USP54: variants seen among roughly 807,000 people sequenced by gnomAD.
USP54 encodes ubiquitin carboxyl-terminal hydrolase 54.
A neutral mutation model predicts 170.5 loss-of-function variants in USP54; 87 were observed. The ratio of observed to expected loss-of-function variants is 0.51; its 90% CI spans 0.43 to 0.61. USP54 has a LOEUF of 0.61. USP54 is among the 20% of genes least tolerant of loss of function. The pLI is 0.00. For missense variants in USP54, 1,786 were observed against 2,047.8 expected (o/e 0.87, Z 2.47); for synonymous variants, 655 against 742.8 (o/e 0.88, Z 1.92).
upstream of USP54, among the ~76,000 whole-genome samples, chr10:73,592,139 G>C (rs1412074992): frequency 5.3e-5 from 8 of 152,036 alleles, no homozygotes; most frequent in East Asian, 1.4e-3. Flanking sequence ...CCGAGAACTT[G>C]CATTTGCAGG....
intron 4 of USP54, among the ~76,000 whole-genome samples, chr10:73,548,111 C>G (rs1215895132): frequency 6.6e-6 from 1 of 152,056 alleles, no homozygotes; most frequent in African/African-American, 2.4e-5. Context: ...ATTTATGCAG[C>G]CAACAGACAC....
intron 9 of USP54, among the ~76,000 whole-genome samples, 164 bp downstream of exon 9, chr10:73,541,210 GC>G (rs2066530532): frequency 6.6e-6 from 1 of 152,158 alleles, no homozygotes; most frequent in South Asian, 2.1e-4. Flanking sequence ...AGGTATATGA[GC>G]ACATACCTGC....
At chr10:73,567,159 G>A (rs191245149) in intron 4 of USP54, among the ~76,000 whole-genome samples, 27 of 152,056 alleles carry the variant, frequency 1.8e-4, no homozygotes, top group Admixed American at 1.3e-3. Context: ...GATTACAGGC[G>A]TGAGCCACCA....
Position 73,523,713 on chromosome 10 carries a change from C to CA in USP54, c.2231dup (p.Leu744PhefsTer29). On this transcript the variant is annotated frameshift_variant, in exon 17 of 24. Coordinates refer to ENST00000687698, the MANE Select transcript of USP54 (RefSeq NM_001391956.1). LOFTEE classifies it high-confidence loss of function. Reference sequence around the variant, plus strand: ...GCGCCCTCCTGGCCACCTCTTCCTGCAATTCATCCAGTTCACTTTTAGAAG... The same window carrying CA: ...GCGCCCTCCTGGCCACCTCTTCCTGCAAATTCATCCAGTTCACTTTTAGAAG... 6.2e-7 allele frequency: 1 copy of CA among 1,613,720 alleles called. No individual in the cohort carries two copies. The highest frequency in any genetic ancestry group is 8.5e-7 in the Non-Finnish European group (1 of 1,179,796).
At chr10:73,569,920 A>C (rs1192444217) in intron 4 of USP54, among the ~76,000 whole-genome samples, 1 of 132,030 alleles carries the variant, frequency 7.6e-6, no homozygotes, top group African/African-American at 2.6e-5. Flanking sequence ...AAAAAAAAAA[A>C]AAAAAAAAAA....
At chr10:73,546,225 C>G (rs2067776979) in intron 4 of USP54, among the ~76,000 whole-genome samples, 1 of 152,210 alleles carries the variant, frequency 6.6e-6, no homozygotes, top group South Asian at 2.1e-4. Flanking sequence ...CTGCCCCACT[C>G]TCTACCAGCC....
intron 1 of USP54, among the ~76,000 whole-genome samples, chr10:73,601,407 C>T (rs1051465449): frequency 2.6e-5 from 4 of 152,156 alleles, no homozygotes; most frequent in Non-Finnish European, 5.9e-5. Context: ...CCACCATACA[C>T]TTTACTGCAA....
intron 4 of USP54, among the ~76,000 whole-genome samples, chr10:73,567,018 A>C (rs1057458266): frequency 4.6e-5 from 7 of 151,810 alleles, no homozygotes; most frequent in Admixed American, 3.9e-4. Context: ...CTGGGATTAC[A>C]AGCATGCGCC....
At chr10:73,543,583 G>A (rs2067089371) in intron 5 of USP54, among the ~76,000 whole-genome samples, 1 of 152,116 alleles carries the variant, frequency 6.6e-6, no homozygotes, top group Non-Finnish European at 1.5e-5. Flanking sequence ...AGCCAGGATG[G>A]TCTCGATCTC....
intron 1 of USP54, among the ~76,000 whole-genome samples, chr10:73,621,949 T>C (rs2081129606): frequency 6.6e-6 from 1 of 152,148 alleles, no homozygotes; most frequent in African/African-American, 2.4e-5. Flanking sequence ...CCCCTATCCA[T>C]TTATACCTTC....
chr10:73,504,654 T>C (rs1012180754), intron 22 of USP54, 196 bp downstream of exon 22: 1 of 718,174 alleles, frequency 1.4e-6, no homozygotes, highest in Non-Finnish European at 2.2e-6. Context: ...AACTGCTACA[T>C]GGAATGGACA....
chr10:73,523,171 T>C (rs909631156), intron 17 of USP54, among the ~76,000 whole-genome samples: 3 of 152,214 alleles, frequency 2.0e-5, no homozygotes, highest in African/African-American at 7.2e-5. Context: ...CTTGCTCCTG[T>C]TTGGCAGATC....
At position 73,530,711 on chromosome 10, in the gene USP54, G is replaced by T; in HGVS notation, c.1440C>A (p.His480Gln). The T allele has an allele frequency of 1.9e-6, 3 of 1,614,166 alleles. No individual in the cohort carries two copies. The highest frequency in any genetic ancestry group is 2.5e-6 in the Non-Finnish European group (3 of 1,180,020). Reference protein sequence around the residue: ...KGDEPQASGYHSEGETLKEKQ... With the variant: ...KGDEPQASGYQSEGETLKEKQ... ...CAGTGCAGAAGGGCTTGCCTTCACT[G>T]TGGTATCCCGAGGCCTGGGGCTCAT... is the stretch of plus-strand genomic sequence containing the variant. Residue 480 changes from histidine (H) to glutamine (Q), a missense_variant, in exon 13 of 24, where the codon CAC becomes CAA. Around this residue, in one of 3 missense-constraint regions of USP54, gnomAD observed 1,418 missense variants for 1,569.0 expected, o/e 0.90. Coordinates refer to ENST00000687698, the MANE Select transcript of USP54 (RefSeq NM_001391956.1).
Position 73,530,753 on chromosome 10 carries a change from C to A in USP54, c.1398G>T (p.Arg466=). The change falls in exon 13 of 24, where the codon CGG becomes CGT. Residue 466 remains arginine (R), a synonymous_variant. Coordinates refer to ENST00000687698, the MANE Select transcript of USP54 (RefSeq NM_001391956.1). ...GGGGCTCATCGCCTTTCCTCCTAAC[C>A]CGACCAGAGCTCCTCTTGCGCTCTA... is the stretch of plus-strand genomic sequence containing the variant. ...SLIERKRSSG[R]VRRKGDEPQA... 1.9e-6 allele frequency: 3 copies of A among 1,614,134 alleles called. No homozygotes were observed. The Middle Eastern group carries it at 4.9e-4, about 266-fold the overall frequency.
rs1223887786 is a variant in USP54, at chr10:73,517,403, C to G, written c.3023G>C (p.Ser1008Thr). 6.2e-7 allele frequency: 1 copy of G among 1,614,000 alleles called. No individual in the cohort carries two copies. Among genetic ancestry groups the G allele is most frequent in the Non-Finnish European group, 8.5e-7 (1 of 1,179,936 alleles). ...TTCTTGTGGAGGGAGCTTGCTGCAA[C>G]TGCTGTTGTCACACCTAGAGCCTTG... ...KLQGSRCDNS[S>T]CSKLPPQEGR... Residue 1008 changes from serine to threonine, a missense_variant, in exon 20 of 24, where the codon AGT (serine) becomes ACT (threonine). Coordinates refer to ENST00000687698, the MANE Select transcript of USP54 (RefSeq NM_001391956.1).
chr10:73,534,701 G>A lies in USP54; in HGVS notation c.1214C>T (p.Ser405Phe), dbSNP rs759842351. ...SSTESYPYKH[S>F]HHESVVSHFS... ...GTGACTGACCACAGACTCATGGTGG[G>A]AATGTTTGTAGGGATAGCTCTCCGT... Residue 405 changes from serine (S) to phenylalanine (F), a missense_variant, in exon 12 of 24, where the codon TCC becomes TTC. Transcript: ENST00000687698. The A allele has an allele frequency of 1.1e-5, 18 of 1,614,058 alleles. No homozygotes were observed. The African/African-American group carries it at 2.1e-4, about 19-fold the overall frequency.
intron 22 of USP54, among the ~76,000 whole-genome samples, chr10:73,502,331 C>A (rs185937482): frequency 1.3e-5 from 2 of 151,716 alleles, no homozygotes; most frequent in Non-Finnish European, 2.9e-5. Flanking sequence ...TTTTTTGAGA[C>A]GGAGTCTCGC....
intron 1 of USP54, among the ~76,000 whole-genome samples, chr10:73,622,392 C>T (rs757728575): frequency 6.6e-6 from 1 of 151,758 alleles, no homozygotes; most frequent in African/African-American, 2.4e-5. Context: ...GGCATGATTT[C>T]GGTTCACTGT....
chr10:73,575,440 A>G (rs2075989334), intron 3 of USP54, 72 bp downstream of exon 3: 2 of 1,446,658 alleles, frequency 1.4e-6, no homozygotes, highest in African/African-American at 2.9e-5. Context: ...TTTTATTTAA[A>G]AAGAGTTATC....
Sources: gnomAD v4.1 joint callset for allele counts (sites outside exome capture counted in the v4.1 genomes callset) on GRCh38, gnomAD v4.1.1 for gene constraint, gnomAD v4.1.1 regional missense constraint, MANE v1.5 for transcripts, NCBI Gene and HGNC (gene_info 2026-07-23, HGNC 2026-07-21) for gene names.